The following FAM149A variants were observed in gnomAD, a reference collection of about 807,000 sequenced individuals.
FAM149A encodes protein FAM149A.
In FAM149A, 71 loss-of-function variants were observed where a neutral mutation model predicts 78.2. That is an observed-to-expected ratio of 0.91 (90% CI 0.75 to 1.11). FAM149A has a LOEUF of 1.11. FAM149A is among the 50% of genes least tolerant of loss of function. FAM149A has a pLI of 0.00. For synonymous variants in FAM149A, 446 were observed against 410.5 expected (o/e 1.09, Z -1.04); for missense variants, 1,036 against 971.0 (o/e 1.07, Z -0.89).
At chr4:186,130,291 C>CTATATATATATATATA (rs1362112901) in intron 1 of FAM149A, 4 of 39,398 alleles carry the variant, frequency 1.0e-4, no homozygotes, top group Non-Finnish European at 1.8e-4. Flanking sequence ...CTCTCTCTCT[C>CTATATATATATATATA]TCTATATATA....
Position 186,156,680 on chromosome 4 carries a change from C to CA in FAM149A, c.1420+499dup, listed in dbSNP as rs200820263. Among the ~76,000 whole-genome samples the CA allele has an allele frequency of 4.3e-3, 643 of 150,002 alleles. 22 individuals carry two copies. The East Asian group carries it at 0.078, about 18-fold the overall frequency. On this transcript the variant is annotated intron_variant, in intron 7 of 13. Transcript: ENST00000389354. ...AGGCAACAAGAGTAAAACTCCATCT[C>CA]AAAAAAAAAGAATGCAGGGCAGGCA...
At chr4:186,147,688 T>C (rs1422055121) in intron 1 of FAM149A, among the ~76,000 whole-genome samples, 1 of 152,070 alleles carries the variant, frequency 6.6e-6, no homozygotes, top group Non-Finnish European at 1.5e-5. Context: ...AACAAATCTA[T>C]TTGATGTAAC....
intron 13 of FAM149A, chr4:186,170,831 T>C (rs1411225565): frequency 6.6e-6 from 1 of 152,262 alleles, no homozygotes; most frequent in Non-Finnish European, 1.5e-5. Context: ...TTCCTTGATG[T>C]TTCATCTTTG....
intron 1 of FAM149A, among the ~76,000 whole-genome samples, chr4:186,121,451 A>T (rs1057426633): frequency 9.9e-5 from 15 of 152,238 alleles, no homozygotes; most frequent in African/African-American, 3.6e-4. Flanking sequence ...TTGAGGATCT[A>T]TAAAATATAG....
At chr4:186,162,710 T>G in intron 8 of FAM149A, 135 bp from the exon 9 acceptor site, 1 of 608,734 alleles carries the variant, frequency 1.6e-6, no homozygotes. Flanking sequence ...TATATCCCCT[T>G]TATTAGTTTT....
At chr4:186,157,139 AATC>A (rs1734096751) in intron 7 of FAM149A, among the ~76,000 whole-genome samples, 1 of 130,452 alleles carries the variant, frequency 7.7e-6, no homozygotes, top group Non-Finnish European at 1.8e-5. Flanking sequence ...TTGCTAATTG[AATC>A]ATGCTTTAAT....
rs2099308057 is a variant in FAM149A, at chr4:186,104,741, C to CGCGGGCGGCGGGCGTCTGGGGCGGGCG, written c.-322_-321insTCTGGGGCGGGCGGCGGGCGGCGGGCG. Among the ~76,000 whole-genome samples the CGCGGGCGGCGGGCGTCTGGGGCGGGCG allele has an allele frequency of 1.3e-5, 2 of 149,422 alleles. No homozygotes were observed. The highest frequency in any genetic ancestry group is 4.2e-4 in the South Asian group (2 of 4,756). ...GGCCGGGTGTGTTGAACGTAGCAAC[C>CGCGGGCGGCGGGCGTCTGGGGCGGGCG]GCGGGCGGCGGGCGGCGGGCGGCGG... is the stretch of plus-strand genomic sequence containing the variant. On this transcript the variant is annotated 5_prime_UTR_variant, in exon 1 of 14. Coordinates refer to ENST00000389354, the MANE Select transcript of FAM149A (RefSeq NM_001367768.3).
Position 186,153,888 on chromosome 4 carries a change from T to G in FAM149A, c.1058+118T>G, listed in dbSNP as rs79333440. Reference sequence around the variant, plus strand: ...CCCATTTTGGAAATTTAGATTCTGATGAAGGGCAGGTACAGAGAACAATTT... The same window carrying G: ...CCCATTTTGGAAATTTAGATTCTGAGGAAGGGCAGGTACAGAGAACAATTT... On this transcript the variant is annotated intron_variant, in intron 5 of 13. Coordinates refer to ENST00000389354, the MANE Select transcript of FAM149A (RefSeq NM_001367768.3). 0.011 allele frequency: 12,397 copies of G among 1,123,060 alleles called. 969 individuals are homozygous for G. In the African/African-American group the frequency reaches 0.17, roughly 15 times the overall value. 69.6% of individuals were successfully genotyped at this position (1,123,060 alleles called of 1,614,324 possible).
intron 4 of FAM149A, 134 bp downstream of exon 4, chr4:186,152,179 C>A: frequency 1.3e-6 from 1 of 760,218 alleles, no homozygotes; most frequent in Non-Finnish European, 2.2e-6. Context: ...CGCAGTCCTT[C>A]ACTGAGAGAT....
intron 1 of FAM149A, chr4:186,109,305 T>G: frequency 6.8e-6 from 5 of 733,964 alleles, no homozygotes; most frequent in Non-Finnish European, 8.3e-6. Context: ...CAAGCATATA[T>G]TCACTCTTTT....
intron 1 of FAM149A, among the ~76,000 whole-genome samples, chr4:186,133,681 G>A (rs940943123): frequency 6.6e-6 from 1 of 152,068 alleles, no homozygotes. Context: ...TTAGAGATGG[G>A]GTCCTGCTCT....
intron 13 of FAM149A, 52 bp downstream of exon 13, chr4:186,167,314 G>C: frequency 6.9e-7 from 1 of 1,457,498 alleles, no homozygotes; most frequent in African/African-American, 1.4e-5. Flanking sequence ...GAGATTTCAA[G>C]TTTCAGACAG....
rs559272244 is a variant in FAM149A, at chr4:186,148,874, T to A, written c.567-299T>A. On this transcript the variant is annotated intron_variant, in intron 1 of 13. Transcript: ENST00000389354. ...CTGTTTGGGGCAACTTTTCCTTCTCTGGCTGAGTCACAAAAAGTTGATGTT... is the reference window on the plus strand; with the variant it reads ...CTGTTTGGGGCAACTTTTCCTTCTCAGGCTGAGTCACAAAAAGTTGATGTT... 7.9e-5 allele frequency among the ~76,000 whole-genome samples: 12 copies of A among 152,308 alleles called. No homozygotes were observed. The South Asian group carries it at 1.9e-3, about 24-fold the overall frequency.
At chr4:186,169,269 A>G (rs193058216) in intron 13 of FAM149A, 332 of 985,352 alleles carry the variant, frequency 3.4e-4, no homozygotes, top group Admixed American at 1.7e-3. Context: ...ATCGAAACAG[A>G]CAACTTACAA....
Position 186,167,191 on chromosome 4 carries a change from C to T in FAM149A, c.2147C>T (p.Thr716Met), listed in dbSNP as rs145087000. Residue 716 changes from threonine (T) to methionine (M), a missense_variant, in exon 13 of 14, where the codon ACG (threonine) becomes ATG (methionine). Thr to Met is a moderately conservative substitution (Grantham distance 81). Transcript: ENST00000389354. ...TTATTTTTCTTCCAGCAGTCGGATACGCCTCGAAAAAGTTCATTGACACAA... is the reference window on the plus strand; with the variant it reads ...TTATTTTTCTTCCAGCAGTCGGATATGCCTCGAAAAAGTTCATTGACACAA... 62 of 1,609,934 alleles carry T rather than the reference C, an allele frequency of 3.9e-5. No homozygotes were observed. Among genetic ancestry groups the T allele is most frequent in the South Asian group, 3.4e-4 (31 of 91,032 alleles).
At chr4:186,160,588 C>T (rs1052976455) in intron 8 of FAM149A, among the ~76,000 whole-genome samples, 1 of 149,930 alleles carries the variant, frequency 6.7e-6, no homozygotes, top group South Asian at 2.1e-4. Flanking sequence ...ATATCATACA[C>T]ACACCACACA....
intron 1 of FAM149A, among the ~76,000 whole-genome samples, chr4:186,124,542 C>T (rs1316595953): frequency 6.6e-6 from 1 of 151,562 alleles, no homozygotes; most frequent in Non-Finnish European, 1.5e-5. Context: ...TGACAGTTTG[C>T]TCAGAATGAT....
rs182767533 is a variant in FAM149A at position 186,125,805 on chromosome 4, G to T, written c.566+20163G>T. On this transcript the variant is annotated intron_variant, in intron 1 of 13. Coordinates refer to ENST00000389354, the MANE Select transcript of FAM149A (RefSeq NM_001367768.3). Reference sequence around the variant, plus strand: ...AAGCTGGGGCCATGAATACCCAACCGTTTGGAAGGGAGGCCAAAAAGAAAT... The same window carrying T: ...AAGCTGGGGCCATGAATACCCAACCTTTTGGAAGGGAGGCCAAAAAGAAAT... The T allele has an allele frequency of 4.6e-4, 458 of 985,326 alleles. 2 individuals are homozygous for T. In the African/African-American group the frequency reaches 7.5e-3, roughly 16 times the overall value. The allele number at this position is 985,326 out of a possible 1,614,324, so 61.0% of individuals were successfully genotyped here.
chr4:186,108,599 A>G (rs1186167317), intron 1 of FAM149A, among the ~76,000 whole-genome samples: 5 of 152,088 alleles, frequency 3.3e-5, no homozygotes, highest in African/African-American at 7.2e-5. Flanking sequence ...CTTTTGCTCC[A>G]CAGGGCGTAC....
Sources: gnomAD v4.1 joint callset for allele counts (sites outside exome capture counted in the v4.1 genomes callset) on GRCh38, gnomAD v4.1.1 for gene constraint, MANE v1.5 for transcripts, NCBI Gene and HGNC (gene_info 2026-07-23, HGNC 2026-07-21) for gene names.